The following PCDHA6 variants were observed in gnomAD, a reference collection of about 807,000 sequenced individuals.
The protein encoded by PCDHA6 is protocadherin alpha-6.
A neutral mutation model predicts 60.3 loss-of-function variants in PCDHA6; 55 were observed. The observed-to-expected ratio is 0.91, with a 90% CI of 0.73 to 1.14. PCDHA6 has a LOEUF of 1.14. PCDHA6 is among the 50% of genes most tolerant of loss of function. The pLI, the probability that PCDHA6 is intolerant of heterozygous loss-of-function variation, is 0.00. For synonymous variants in PCDHA6, 652 were observed against 557.9 expected, an observed-to-expected ratio of 1.17 and a Z score of -2.38; for missense variants, 1,327 against 1,256.5, an observed-to-expected ratio of 1.06 and a Z score of -0.85.
At chr5:140,931,035 C>A (rs2153606811) in intron 1 of PCDHA6, among the ~76,000 whole-genome samples, 1 of 152,250 alleles carries the variant, frequency 6.6e-6, no homozygotes, top group Non-Finnish European at 1.5e-5. Context: ...GTAGAGCTAG[C>A]AAGAAAAACT....
chr5:140,877,458 G>C, intron 1 of PCDHA6: 1 of 1,613,814 alleles, frequency 6.2e-7, no homozygotes, highest in Non-Finnish European at 8.5e-7. Context: ...TGACGTCCAC[G>C]GCCACGGTGC....
chr5:140,841,547 G>T, intron 1 of PCDHA6: 1 of 1,613,802 alleles, frequency 6.2e-7, no homozygotes, highest in Non-Finnish European at 8.5e-7. Context: ...GGACCTTCTG[G>T]AGGTAAGTCT....
chr5:140,851,003 GA>G (rs2041919886), intron 1 of PCDHA6: 1 of 1,437,650 alleles, frequency 7.0e-7, no homozygotes. Flanking sequence ...AAATCCAGCA[GA>G]TTTTTTTTCT....
rs184537292 is a variant in PCDHA6, at chr5:140,970,210, C to T, written c.2395-8739C>T. Among the ~76,000 whole-genome samples, 8 of 152,308 alleles carry T rather than the reference C, an allele frequency of 5.3e-5. No homozygotes were observed. The East Asian group carries it at 1.5e-3, about 29-fold the overall frequency. On this transcript the variant is annotated intron_variant, in intron 1 of 3. Transcript: ENST00000529310. Reference sequence around the variant, plus strand: ...TGTAAGAGGATTTCCCTGAATTTAGCTTAAATGCAGCCTGTAATCTTCTGA... The same window carrying T: ...TGTAAGAGGATTTCCCTGAATTTAGTTTAAATGCAGCCTGTAATCTTCTGA...
chr5:140,836,417 G>T, intron 1 of PCDHA6: 2 of 1,613,822 alleles, frequency 1.2e-6, no homozygotes, highest in Non-Finnish European at 1.7e-6. Flanking sequence ...CACCAAAGGC[G>T]TCGTCGCGGG....
intron 1 of PCDHA6, chr5:140,871,453 G>A (rs1554165628): frequency 6.2e-7 from 1 of 1,607,586 alleles, no homozygotes; most frequent in Non-Finnish European, 8.5e-7. Flanking sequence ...TAAAGAGGAG[G>A]AAGGGGAAAG....
intron 1 of PCDHA6, among the ~76,000 whole-genome samples, chr5:140,894,606 T>C (rs1305424119): frequency 6.6e-6 from 1 of 152,022 alleles, no homozygotes; most frequent in Non-Finnish European, 1.5e-5. Context: ...CTCATCTCTC[T>C]TTTCAAAGCT....
rs1459360410 is a variant in PCDHA6 at position 140,851,559 on chromosome 5, A to C, written c.2394+21074A>C. 4 of 909,446 alleles carry C rather than the reference A, an allele frequency of 4.4e-6. 1 individual carries two copies. In the East Asian group the frequency reaches 3.5e-4, roughly 79 times the overall value. The allele number at this position is 909,446 out of a possible 1,614,324, so 56.3% of individuals were successfully genotyped here. A position where few individuals can be genotyped will look rare whatever the true frequency, so the allele number is the denominator to read the frequency against. ...AGATAATTCAAGAAATGTTGACTGA[A>C]ATTTTGTCTACACTTAGAACATTTT... is the stretch of plus-strand genomic sequence containing the variant. On this transcript the variant is annotated intron_variant, in intron 1 of 3. Transcript: ENST00000529310.
At chr5:140,863,655 G>T in intron 1 of PCDHA6, 1 of 295,936 alleles carries the variant, frequency 3.4e-6, no homozygotes, top group Non-Finnish European at 6.6e-6. Context: ...TAATTTGATT[G>T]CTTTATTTAT....
chr5:141,002,059 G>A (rs983772482), intron 3 of PCDHA6, among the ~76,000 whole-genome samples: 1 of 152,242 alleles, frequency 6.6e-6, no homozygotes, highest in Non-Finnish European at 1.5e-5. Flanking sequence ...AGAGGCAGCA[G>A]CAGCCGCCAG....
chr5:140,930,453 C>G (rs1195640207), intron 1 of PCDHA6: 6 of 152,300 alleles, frequency 3.9e-5, no homozygotes, highest in African/African-American at 1.5e-4. Flanking sequence ...AAACTCCTAG[C>G]CTCAAGTGAT....
In PCDHA6 at chr5:140,883,707, A is replaced by G. The variant is rs565073045; in HGVS notation, c.2394+53222A>G. 6 of 1,613,636 alleles carry G rather than the reference A, an allele frequency of 3.7e-6. No individual in the cohort carries two copies. Among genetic ancestry groups the G allele is most frequent in the East Asian group, 4.5e-5 (2 of 44,860 alleles). On this transcript the variant is annotated intron_variant, in intron 1 of 3. Transcript: ENST00000529310. ...TGCCACATCTTCACGGTGTCTGCTC[A>G]GGACGCGGACGCACAGGAGAACGCG...
chr5:140,882,715 A>G (rs143870647), intron 1 of PCDHA6: 102 of 1,614,124 alleles, frequency 6.3e-5, no homozygotes, highest in African/African-American at 1.7e-4. Context: ...GACCTCCGGA[A>G]ACTCGATTTC....
At chr5:140,966,937 C>A in intron 1 of PCDHA6, 1 of 1,604,032 alleles carries the variant, frequency 6.2e-7, no homozygotes. Context: ...CCGGCGCGCT[C>A]GTGGGCAACG....
At position 140,837,735 on chromosome 5, in the gene PCDHA6, G is replaced by C. The variant is rs1268467335; in HGVS notation, c.2394+7250G>C. On this transcript the variant is annotated intron_variant, in intron 1 of 3. Coordinates refer to ENST00000529310, the MANE Select transcript of PCDHA6 (RefSeq NM_018909.4). ...ATCACCCAGGCTGCTGAAATGCAGT[G>C]GTGGGATTATAGCCCACTGCAACCT... 1.3e-5 allele frequency among the ~76,000 whole-genome samples: 2 copies of C among 151,294 alleles called. 1 individual carries two copies. The highest frequency in any genetic ancestry group is 3.9e-4 in the East Asian group (2 of 5,172).
At position 140,843,240 on chromosome 5, in the gene PCDHA6, C is replaced by G. The variant is rs2150355693; in HGVS notation, c.2394+12755C>G. On this transcript the variant is annotated intron_variant, in intron 1 of 3. Coordinates refer to ENST00000529310, the MANE Select transcript of PCDHA6 (RefSeq NM_018909.4). ...AGCACCACTCGTGTCCTGGACGAAG[C>G]GGACTCTCCGCGCCACCGTCTGCTG... The G allele has an allele frequency of 4.4e-6, 7 of 1,595,828 alleles. 1 individual carries two copies. Among genetic ancestry groups the G allele is most frequent in the Non-Finnish European group, 6.0e-6 (7 of 1,165,542 alleles).
Position 140,840,931 on chromosome 5 carries a change from G to A in PCDHA6, c.2394+10446G>A, listed in dbSNP as rs2150310219. Among the ~76,000 whole-genome samples the A allele has an allele frequency of 2.6e-5, 4 of 152,056 alleles. No homozygotes were observed. In the South Asian group the frequency reaches 8.3e-4, roughly 32 times the overall value. ...ACTTAAATTTATTATTAATTGATACGATATTTGAAATATTGGGAAGAAATT... is the reference window on the plus strand; with the variant it reads ...ACTTAAATTTATTATTAATTGATACAATATTTGAAATATTGGGAAGAAATT... On this transcript the variant is annotated intron_variant, in intron 1 of 3. Transcript: ENST00000529310.
chr5:140,902,381 A>G (rs2153476778), intron 1 of PCDHA6, among the ~76,000 whole-genome samples: 1 of 152,036 alleles, frequency 6.6e-6, no homozygotes, highest in South Asian at 2.1e-4. Flanking sequence ...TGCTCTAGCT[A>G]AGAGTACTAT....
chr5:140,869,318 G>A (rs1373742506), intron 1 of PCDHA6: 1 of 1,613,688 alleles, frequency 6.2e-7, no homozygotes, highest in South Asian at 1.1e-5. Flanking sequence ...AAAACACATG[G>A]GGACCTTCTG....
Sources: allele counts gnomAD v4.1 joint callset (sites outside exome capture counted in the v4.1 genomes callset), GRCh38; gene constraint gnomAD v4.1.1; transcripts MANE v1.5; gene names NCBI Gene and HGNC (gene_info 2026-07-23, HGNC 2026-07-21).